Variants in DOCK8 observed in about 807,000 individuals in gnomAD.
The protein encoded by DOCK8 is dedicator of cytokinesis protein 8.
A neutral mutation model predicts 245.6 loss-of-function variants in DOCK8; 141 were observed. That is an observed-to-expected ratio of 0.57 (90% CI 0.50 to 0.66). DOCK8 has a LOEUF of 0.66. DOCK8 is among the 30% of genes least tolerant of loss of function. The probability of loss-of-function intolerance (pLI) is 0.00; values close to 1 mark genes in which losing one functional copy is unlikely to be tolerated. For missense variants in DOCK8, 2,965 were observed against 2,603.4 expected, an observed-to-expected ratio of 1.14 and a Z score of -3.02; for synonymous variants, 1,168 against 970.2, an observed-to-expected ratio of 1.20 and a Z score of -3.79.
intron 34 of DOCK8, among the ~76,000 whole-genome samples, chr9:427,907 G>C (rs1354515818): frequency 5.3e-5 from 8 of 152,158 alleles, no homozygotes; most frequent in African/African-American, 1.9e-4. Flanking sequence ...TTCAAAGAAA[G>C]CTGAAACCTT....
chr9:377,288 C>T (rs2053559763), intron 20 of DOCK8, 77 bp downstream of exon 20: 1 of 1,357,046 alleles, frequency 7.4e-7, no homozygotes, highest in East Asian at 2.5e-5. Context: ...AATGACTTTC[C>T]AGAAATCCAG....
At chr9:394,663 T>C (rs2054362383) in intron 24 of DOCK8, among the ~76,000 whole-genome samples, 1 of 152,224 alleles carries the variant, frequency 6.6e-6, no homozygotes. Context: ...TAGAGATAAA[T>C]GGGTGACCTA....
At chr9:453,035 T>C (rs1327561067) in intron 46 of DOCK8, 2 of 152,236 alleles carry the variant, frequency 1.3e-5, no homozygotes, top group Non-Finnish European at 2.9e-5. Flanking sequence ...TATAAGAATA[T>C]CTTCACTTGG....
At chr9:315,234 T>G (rs542254238) in intron 6 of DOCK8, among the ~76,000 whole-genome samples, 1 of 152,336 alleles carries the variant, frequency 6.6e-6, no homozygotes, top group Non-Finnish European at 1.5e-5. Context: ...TTCTCTCTCA[T>G]TATCTCTTTC....
At chr9:376,164 A>G in intron 18 of DOCK8, 46 bp from the exon 19 acceptor site, 2 of 1,376,424 alleles carry the variant, frequency 1.5e-6, no homozygotes, top group Non-Finnish European at 2.1e-6. Flanking sequence ...TAGTAATCAG[A>G]AAAGGGAATT....
intron 7 of DOCK8, among the ~76,000 whole-genome samples, chr9:324,917 G>A (rs1371629820): frequency 2.0e-5 from 3 of 152,046 alleles, no homozygotes; most frequent in Non-Finnish European, 2.9e-5. Flanking sequence ...TAGTGCACCC[G>A]TCACCCAAGC....
chr9:276,912 G>T (rs754295051), intron 2 of DOCK8: 21 of 260,756 alleles, frequency 8.1e-5, no homozygotes, highest in Non-Finnish European at 1.6e-4. Context: ...AGGCTCAAGC[G>T]ATTCTCCTGC....
Position 325,796 on chromosome 9 carries a change from A to G in DOCK8, c.894+59A>G, listed in dbSNP as rs980107928. On this transcript the variant is annotated intron_variant, in intron 8 of 47. Transcript: ENST00000432829. ...ACATATATTGTTCATGATTCTTTGC[A>G]TGTATGTTTTTAAATTTCTTTGCAG... 4 of 1,430,128 alleles carry G rather than the reference A, an allele frequency of 2.8e-6. No homozygotes were observed. The East Asian group carries it at 7.1e-5, about 25-fold the overall frequency. 88.6% of individuals were successfully genotyped at this position (1,430,128 alleles called of 1,614,324 possible).
chr9:232,781 C>G (rs2047147436), intron 1 of DOCK8, among the ~76,000 whole-genome samples: 1 of 152,116 alleles, frequency 6.6e-6, no homozygotes, highest in African/African-American at 2.4e-5. Flanking sequence ...TTTGATTCTT[C>G]TCTCTTTTCT....
Position 446,601 on chromosome 9 carries a change from G to C in DOCK8, c.5812G>C (p.Glu1938Gln), listed in dbSNP as rs1229058744. 6 of 1,614,146 alleles carry C rather than the reference G, an allele frequency of 3.7e-6. No homozygotes were observed. The highest frequency in any genetic ancestry group is 4.2e-6 in the Non-Finnish European group (5 of 1,180,000). ...GACCAGGATCAGCGTCATCCAGAAG[G>C]AGGAGGTAATGCACCCAAGGGATTG... ...IKTRISVIQK[E>Q]EFVLTPIEVA... is the part of the protein sequence containing the mutation. The change falls in exon 44 of 48, where the codon GAG becomes CAG. Residue 1938 changes from glutamate to glutamine, a missense_variant. Glu to Gln is a conservative substitution (Grantham distance 29). Around this residue, in one of 3 missense-constraint regions of DOCK8, gnomAD observed 2,825 missense variants for 2,453.5 expected, o/e 1.15. Coordinates refer to ENST00000432829, the MANE Select transcript of DOCK8 (RefSeq NM_203447.4).
chr9:246,947 A>G (rs2047519633), intron 1 of DOCK8, among the ~76,000 whole-genome samples: 3 of 152,144 alleles, frequency 2.0e-5, no homozygotes, highest in Admixed American at 1.3e-4. Flanking sequence ...GATCATCTGC[A>G]AGTTCAAGGA....
intron 1 of DOCK8, among the ~76,000 whole-genome samples, chr9:232,148 G>C (rs78216177): frequency 0.21 from 32,405 of 152,090 alleles, 4,079 homozygotes; most frequent in East Asian, 0.41. Context: ...CATCTATTGA[G>C]ATAATCATGT....
intron 1 of DOCK8, among the ~76,000 whole-genome samples, chr9:244,038 T>A (rs1295981443): frequency 6.6e-6 from 1 of 151,452 alleles, no homozygotes. Context: ...CAAAAAAAAA[T>A]TTAGCCGGGC....
chr9:435,490 A>C (rs886536579), intron 39 of DOCK8, among the ~76,000 whole-genome samples: 3 of 152,202 alleles, frequency 2.0e-5, no homozygotes, highest in Admixed American at 6.5e-5. Context: ...TCTTTTTCAA[A>C]GACTTGTAGT....
chr9:284,116 T>A (rs593395), intron 2 of DOCK8, among the ~76,000 whole-genome samples: 11,673 of 152,248 alleles, frequency 0.077, 634 homozygotes, highest in Non-Finnish European at 0.12. Context: ...TAGAAGTCAT[T>A]CAATCCTGAC....
intron 4 of DOCK8, among the ~76,000 whole-genome samples, chr9:300,231 T>C (rs1372394579): frequency 6.6e-6 from 1 of 152,236 alleles, no homozygotes; most frequent in Non-Finnish European, 1.5e-5. Flanking sequence ...TTCAGTCAAC[T>C]AAAATTGGTC....
At chr9:347,407 G>C (rs2051948148) in intron 14 of DOCK8, among the ~76,000 whole-genome samples, 1 of 152,188 alleles carries the variant, frequency 6.6e-6, no homozygotes, top group Non-Finnish European at 1.5e-5. Flanking sequence ...TTGTGAGGCT[G>C]AGGTGGGAGG....
At chr9:320,165 C>T (rs1269593358) in intron 7 of DOCK8, among the ~76,000 whole-genome samples, 63 of 142,568 alleles carry the variant, frequency 4.4e-4, no homozygotes, top group African/African-American at 1.6e-3. Flanking sequence ...CGAACACTCA[C>T]GGAAAAAGCC....
At chr9:316,983 T>G in intron 6 of DOCK8, 60 bp from the exon 7 acceptor site, 3 of 1,375,004 alleles carry the variant, frequency 2.2e-6, no homozygotes, top group Admixed American at 1.7e-5. Context: ...CTGGGTTAAC[T>G]CTAATTGGAG....
Sources: gnomAD v4.1 joint callset for allele counts (sites outside exome capture counted in the v4.1 genomes callset) on GRCh38, gnomAD v4.1.1 for gene constraint, gnomAD v4.1.1 regional missense constraint, MANE v1.5 for transcripts, NCBI Gene and HGNC (gene_info 2026-07-23, HGNC 2026-07-21) for gene names.